HPSE2: variants seen among roughly 807,000 people sequenced by gnomAD.
HPSE2 encodes heparanase 2 (inactive).
A neutral mutation model predicts 60.5 loss-of-function variants in HPSE2; 38 were observed. That is an observed-to-expected ratio of 0.63 (90% confidence interval 0.48 to 0.82). The LOEUF is 0.82. Among genes scored for constraint, HPSE2 ranks in the 40% least tolerant of loss-of-function variants. HPSE2 has a pLI of 0.00. For missense variants in HPSE2, 713 were observed against 740.4 expected, an observed-to-expected ratio of 0.96 and a Z score of 0.43; for synonymous variants, 295 against 293.2, an observed-to-expected ratio of 1.01 and a Z score of -0.06.
At chr10:98,872,582 T>C (rs548628966) in intron 3 of HPSE2, among the ~76,000 whole-genome samples, 1 of 152,272 alleles carries the variant, frequency 6.6e-6, no homozygotes, top group African/African-American at 2.4e-5. Context: ...ATCTCAGGTC[T>C]GATATGCTAG....
In HPSE2 at chr10:98,851,744, C is replaced by T. The variant is rs143318972; in HGVS notation, c.611-107688G>A. Among the ~76,000 whole-genome samples the T allele has an allele frequency of 2.0e-5, 3 of 152,256 alleles. No homozygotes were observed. The East Asian group carries it at 5.8e-4, about 29-fold the overall frequency. On this transcript the variant is annotated intron_variant, in intron 3 of 11. Transcript: ENST00000370552. ...ACCAGTATTTTCTTTAACTGTGATA[C>T]AAATAAGCTCACTTCCACCTCCAAG...
At chr10:98,631,056 G>A (rs1946355105) in intron 7 of HPSE2, among the ~76,000 whole-genome samples, 1 of 152,144 alleles carries the variant, frequency 6.6e-6, no homozygotes, top group South Asian at 2.1e-4. Context: ...TCTGTCTAAT[G>A]TACTTCCTGT....
chr10:98,770,049 C>T (rs1950207240), intron 3 of HPSE2, among the ~76,000 whole-genome samples: 1 of 152,140 alleles, frequency 6.6e-6, no homozygotes, highest in African/African-American at 2.4e-5. Context: ...AGTAATAGGG[C>T]ACGCACTTGG....
At chr10:98,530,362 G>C (rs1943093319) in intron 9 of HPSE2, among the ~76,000 whole-genome samples, 1 of 152,134 alleles carries the variant, frequency 6.6e-6, no homozygotes, top group African/African-American at 2.4e-5. Context: ...CCAGATTTCT[G>C]AGCCCCATCC....
chr10:98,737,963 T>C (rs1949400985), intron 4 of HPSE2, among the ~76,000 whole-genome samples: 1 of 152,082 alleles, frequency 6.6e-6, no homozygotes, highest in Non-Finnish European at 1.5e-5. Context: ...TTCACAGAAG[T>C]AGAAAAAACT....
At chr10:98,528,089 C>T (rs1356865819) in intron 9 of HPSE2, among the ~76,000 whole-genome samples, 1 of 152,062 alleles carries the variant, frequency 6.6e-6, no homozygotes, top group African/African-American at 2.4e-5. Context: ...TTACTTCCTA[C>T]CTGTATTTTC....
At chr10:98,610,596 C>CA (rs1945727252) in intron 9 of HPSE2, among the ~76,000 whole-genome samples, 1 of 152,096 alleles carries the variant, frequency 6.6e-6, no homozygotes, top group African/African-American at 2.4e-5. Flanking sequence ...GGAAAGTAGG[C>CA]AAAAAAGCAT....
intron 3 of HPSE2, among the ~76,000 whole-genome samples, chr10:98,996,761 C>T (rs1471686968): frequency 6.6e-6 from 1 of 152,106 alleles, no homozygotes; most frequent in Non-Finnish European, 1.5e-5. Flanking sequence ...AGAAGCCAGA[C>T]ACAAAAAAGT....
intron 3 of HPSE2, among the ~76,000 whole-genome samples, chr10:98,831,840 G>C (rs1207503958): frequency 1.3e-5 from 2 of 152,154 alleles, no homozygotes; most frequent in African/African-American, 4.8e-5. Context: ...GAGCTACTAA[G>C]ATCATCATTC....
chr10:98,834,562 C>T (rs1022892226), intron 3 of HPSE2, among the ~76,000 whole-genome samples: 5 of 151,930 alleles, frequency 3.3e-5, no homozygotes, highest in Non-Finnish European at 7.4e-5. Flanking sequence ...CTGCTAACAC[C>T]ATAAAAAAAA....
At position 98,899,305 on chromosome 10, in the gene HPSE2, C is replaced by A. The variant is rs1254755766; in HGVS notation, c.611-155249G>T. 3.3e-5 allele frequency among the ~76,000 whole-genome samples: 5 copies of A among 152,134 alleles called. No homozygotes were observed. The South Asian group carries it at 8.3e-4, about 25-fold the overall frequency. On this transcript the variant is annotated intron_variant, in intron 3 of 11. Coordinates refer to ENST00000370552, the MANE Select transcript of HPSE2 (RefSeq NM_021828.5). ...CAAAAGCATAGTCTATTTTAAAAAT[C>A]GATAAATTTGACTTCATTAAAATTG...
intron 3 of HPSE2, among the ~76,000 whole-genome samples, chr10:98,817,662 G>A (rs1419857496): frequency 1.3e-5 from 2 of 152,058 alleles, no homozygotes; most frequent in African/African-American, 4.8e-5. Context: ...TCCTACACTT[G>A]CTGACTTCCC....
At chr10:98,957,012 T>C (rs923335513) in intron 3 of HPSE2, among the ~76,000 whole-genome samples, 3 of 152,196 alleles carry the variant, frequency 2.0e-5, no homozygotes, top group South Asian at 2.1e-4. Context: ...AAACAGTCTG[T>C]TGCATTCCAA....
At chr10:98,533,701 C>A (rs993131595) in intron 9 of HPSE2, among the ~76,000 whole-genome samples, 1 of 152,142 alleles carries the variant, frequency 6.6e-6, no homozygotes, top group African/African-American at 2.4e-5. Flanking sequence ...TCAGTAAATA[C>A]TGCTCACCCT....
chr10:98,890,926 T>C (rs537579902), intron 3 of HPSE2, among the ~76,000 whole-genome samples: 3 of 152,374 alleles, frequency 2.0e-5, no homozygotes, highest in South Asian at 2.1e-4. Context: ...AATAAAAATA[T>C]AGTAACTTTC....
rs182773366 is a variant in HPSE2, at chr10:98,769,004, G to A, written c.611-24948C>T. Among the ~76,000 whole-genome samples the A allele has an allele frequency of 4.7e-3, 721 of 152,180 alleles. 2 individuals are homozygous for A. Among genetic ancestry groups the A allele is most frequent in the Non-Finnish European group, 7.8e-3 (529 of 68,020 alleles). On this transcript the variant is annotated intron_variant, in intron 3 of 11. Coordinates refer to ENST00000370552, the MANE Select transcript of HPSE2 (RefSeq NM_021828.5). ...AGAGGTTGCAGTGAAGGGAGATCGC[G>A]CCACTGCACTCCAGCCTGCATGACA...
At chr10:98,759,476 G>A (rs563910771) in intron 3 of HPSE2, among the ~76,000 whole-genome samples, 3 of 152,162 alleles carry the variant, frequency 2.0e-5, no homozygotes, top group South Asian at 4.1e-4. Context: ...TGCATATGGT[G>A]TTAAATAAGG....
intron 3 of HPSE2, among the ~76,000 whole-genome samples, chr10:99,135,243 C>T (rs191239184): frequency 6.6e-6 from 1 of 152,078 alleles, no homozygotes; most frequent in African/African-American, 2.4e-5. Context: ...TGTAGACTCC[C>T]ACACAATAAC....
chr10:99,180,493 A>C (rs779875771), intron 2 of HPSE2, among the ~76,000 whole-genome samples: 2 of 152,162 alleles, frequency 1.3e-5, no homozygotes, highest in African/African-American at 2.4e-5. Context: ...GCCAACAAAC[A>C]TATGAAAAAA....
Sources: gnomAD v4.1 joint callset for allele counts (sites outside exome capture counted in the v4.1 genomes callset) on GRCh38, gnomAD v4.1.1 for gene constraint, MANE v1.5 for transcripts, NCBI Gene and HGNC (gene_info 2026-07-23, HGNC 2026-07-21) for gene names.